The following HS3ST3B1 variants were observed in gnomAD, a reference collection of about 807,000 sequenced individuals.
HS3ST3B1 encodes the protein heparan sulfate glucosamine 3-O-sulfotransferase 3B1.
A neutral mutation model predicts 21.3 loss-of-function variants in HS3ST3B1; 13 were observed. The ratio of observed to expected loss-of-function variants is 0.61; its 90% CI spans 0.40 to 0.97. The LOEUF (loss-of-function observed/expected upper bound fraction) is 0.97. Among genes scored for constraint, HS3ST3B1 ranks in the 50% least tolerant of loss-of-function variants. The pLI is 0.00. For missense variants in HS3ST3B1, 459 were observed against 554.8 expected (o/e 0.83, Z 1.73); for synonymous variants, 234 against 254.8 (o/e 0.92, Z 0.78).
chr17:14,318,890 G>C (rs762251242), intron 1 of HS3ST3B1, among the ~76,000 whole-genome samples: 2 of 152,228 alleles, frequency 1.3e-5, no homozygotes, highest in African/African-American at 4.8e-5. Flanking sequence ...GGCAGCAGAT[G>C]TACTGGCTTC....
intron 1 of HS3ST3B1, among the ~76,000 whole-genome samples, chr17:14,344,289 C>T (rs1910483564): frequency 1.3e-5 from 2 of 152,174 alleles, no homozygotes; most frequent in African/African-American, 4.8e-5. Flanking sequence ...GAATTTGTTA[C>T]ATAGGTATAT....
At chr17:14,332,670 C>T (rs191586739) in intron 1 of HS3ST3B1, among the ~76,000 whole-genome samples, 11 of 151,878 alleles carry the variant, frequency 7.2e-5, no homozygotes, top group African/African-American at 2.4e-4. Context: ...CCCTTATTAT[C>T]GCACTTCCTT....
intron 1 of HS3ST3B1, among the ~76,000 whole-genome samples, chr17:14,343,241 CAAAAA>C (rs538774953): frequency 2.0e-4 from 23 of 115,026 alleles, no homozygotes; most frequent in African/African-American, 6.5e-4. Context: ...GACTCTGTCT[CAAAAA>C]AAAAAAAAGA....
chr17:14,327,161 A>G (rs1909846033), intron 1 of HS3ST3B1, among the ~76,000 whole-genome samples: 2 of 152,170 alleles, frequency 1.3e-5, no homozygotes, highest in African/African-American at 2.4e-5. Context: ...CAAATATTAA[A>G]GTTGAATTCG....
intron 1 of HS3ST3B1, among the ~76,000 whole-genome samples, chr17:14,323,317 G>A (rs1909714638): frequency 1.3e-5 from 2 of 152,156 alleles, no homozygotes; most frequent in African/African-American, 4.8e-5. Flanking sequence ...CTGCACTGGG[G>A]AATTTGCATA....
chr17:14,317,238 C>A (rs946755269), intron 1 of HS3ST3B1, among the ~76,000 whole-genome samples: 1 of 152,204 alleles, frequency 6.6e-6, no homozygotes, highest in African/African-American at 2.4e-5. Flanking sequence ...CAGGCAATAA[C>A]AAGGACAGCC....
chr17:14,301,227 G>T lies in HS3ST3B1; in HGVS notation c.-292G>T, dbSNP rs565382193. 1 of 451,984 alleles carries T rather than the reference G, an allele frequency of 2.2e-6. No individual in the cohort carries two copies. The highest frequency in any genetic ancestry group is 3.9e-6 in the Non-Finnish European group (1 of 257,524). The allele number at this position is 451,984 out of a possible 1,614,324, so 28.0% of individuals were successfully genotyped here. On this transcript the variant is annotated 5_prime_UTR_variant, in exon 1 of 2. Transcript: ENST00000360954. Reference sequence around the variant, plus strand: ...GAGAGTGCAACGTCCTCCTGGCCCCGAGCGCGTCGTCGCGCCCCGGGAGCA... The same window carrying T: ...GAGAGTGCAACGTCCTCCTGGCCCCTAGCGCGTCGTCGCGCCCCGGGAGCA...
chr17:14,320,685 A>C (rs1909632479), intron 1 of HS3ST3B1, among the ~76,000 whole-genome samples: 1 of 152,186 alleles, frequency 6.6e-6, no homozygotes, highest in African/African-American at 2.4e-5. Flanking sequence ...AGATCCTCTC[A>C]GGTTGTGTTC....
intron 1 of HS3ST3B1, among the ~76,000 whole-genome samples, chr17:14,306,116 C>T (rs1909132506): frequency 6.6e-6 from 1 of 152,144 alleles, no homozygotes; most frequent in African/African-American, 2.4e-5. Flanking sequence ...TCTGACATGC[C>T]TTTAGTGGTC....
At chr17:14,302,863 C>A (rs1185671953) in intron 1 of HS3ST3B1, among the ~76,000 whole-genome samples, 20 of 152,202 alleles carry the variant, frequency 1.3e-4, no homozygotes, top group Admixed American at 1.2e-3. Context: ...AAAGCAAGGA[C>A]GCGTGTCTCC....
At chr17:14,317,741 G>A (rs1909542894) in intron 1 of HS3ST3B1, among the ~76,000 whole-genome samples, 1 of 152,094 alleles carries the variant, frequency 6.6e-6, no homozygotes, top group Admixed American at 6.5e-5. Flanking sequence ...AGGTGGAGAG[G>A]CTGGAATGGC....
chr17:14,317,738 G>C (rs1909542729), intron 1 of HS3ST3B1, among the ~76,000 whole-genome samples: 1 of 152,160 alleles, frequency 6.6e-6, no homozygotes, highest in Non-Finnish European at 1.5e-5. Context: ...CAGAGGTGGA[G>C]AGGCTGGAAT....
chr17:14,307,668 G>A (rs1022047272), intron 1 of HS3ST3B1, among the ~76,000 whole-genome samples: 6 of 152,146 alleles, frequency 3.9e-5, no homozygotes, highest in African/African-American at 9.7e-5. Flanking sequence ...ACTGAAATAC[G>A]TGACTCAGGC....
Position 14,301,528 on chromosome 17 carries a change from C to T in HS3ST3B1, c.10C>T (p.Arg4Cys). The T allele has an allele frequency of 6.4e-7, 1 of 1,563,398 alleles. No homozygotes were observed. The highest frequency in any genetic ancestry group is 8.6e-7 in the Non-Finnish European group (1 of 1,163,470). The change falls in exon 1 of 2, where the codon CGC becomes TGC. Residue 4 changes from arginine (R) to cysteine (C), a missense_variant. Arg to Cys is a radical substitution (Grantham distance 180, BLOSUM62 -3). Around this residue, in one of 3 missense-constraint regions of HS3ST3B1, gnomAD observed 317 missense variants for 278.6 expected, o/e 1.14. Coordinates refer to ENST00000360954, the MANE Select transcript of HS3ST3B1 (RefSeq NM_006041.3). The part of the protein sequence containing the change: MGQ[R>C]LSGGRSCLDV... ...CGCCCGCGGGCAGCGCATGGGGCAG[C>T]GCCTGAGTGGCGGCAGATCTTGCCT... is the stretch of plus-strand genomic sequence containing the variant.
intron 1 of HS3ST3B1, among the ~76,000 whole-genome samples, chr17:14,337,621 G>A (rs2142350014): frequency 6.6e-6 from 1 of 151,726 alleles, no homozygotes; most frequent in Middle Eastern, 3.4e-3. Flanking sequence ...ACAGGTGTGA[G>A]CCATTGCACC....
intron 1 of HS3ST3B1, among the ~76,000 whole-genome samples, chr17:14,322,830 T>A (rs983297542): frequency 1.3e-5 from 2 of 150,664 alleles, no homozygotes; most frequent in African/African-American, 4.9e-5. Context: ...AGGCTCTTAA[T>A]CTGGGCCCAC....
chr17:14,301,705 C>G lies in HS3ST3B1; in HGVS notation c.187C>G (p.Leu63Val). 1 of 1,603,456 alleles carries G rather than the reference C, an allele frequency of 6.2e-7. No homozygotes were observed. Residue 63 changes from leucine (L) to valine (V), a missense_variant, in exon 1 of 2, where the codon CTC (leucine) becomes GTC (valine). Transcript: ENST00000360954. ...GSCAAAPGLL[L>V]LGSGSRAAHD... ...CTGCGCCGCCGCGCCGGGGCTGCTG[C>G]TCCTGGGCTCTGGGTCCCGCGCCGC...
At chr17:14,344,088 C>T (rs972490576) in intron 1 of HS3ST3B1, among the ~76,000 whole-genome samples, 9 of 152,032 alleles carry the variant, frequency 5.9e-5, no homozygotes, top group South Asian at 2.1e-4. Context: ...TTAGTAGAGA[C>T]GGGGTTTTGC....
chr17:14,324,522 T>C (rs755424335), intron 1 of HS3ST3B1, among the ~76,000 whole-genome samples: 5 of 152,274 alleles, frequency 3.3e-5, no homozygotes, highest in South Asian at 2.1e-4. Context: ...AGTAGCAAAA[T>C]GTTTAGAATT....
Sources: allele counts gnomAD v4.1 joint callset (sites outside exome capture counted in the v4.1 genomes callset), GRCh38; gene constraint gnomAD v4.1.1; regional missense constraint gnomAD v4.1.1; transcripts MANE v1.5; gene names NCBI Gene and HGNC (gene_info 2026-07-23, HGNC 2026-07-21).